WDHD1: variants seen among roughly 807,000 people sequenced by gnomAD.
WDHD1 encodes the protein WD repeat and HMG-box DNA-binding protein 1.
A neutral mutation model predicts 135.4 loss-of-function variants in WDHD1; 111 were observed. The observed-to-expected ratio is 0.82, with a 90% CI of 0.70 to 0.96. WDHD1 has a LOEUF of 0.96. Ranked by LOEUF, WDHD1 falls within the 40% of genes least tolerant of loss-of-function variation. The pLI is 0.00. For synonymous variants in WDHD1, 434 were observed against 439.0 expected (o/e 0.99, Z 0.14); for missense variants, 1,351 against 1,336.3 (o/e 1.01, Z -0.17).
At chr14:55,010,099 G>A (rs921984477) in intron 4 of WDHD1, among the ~76,000 whole-genome samples, 3 of 152,108 alleles carry the variant, frequency 2.0e-5, no homozygotes, top group Non-Finnish European at 2.9e-5. Context: ...GATTACAGGC[G>A]TGAGCCACCA....
intron 17 of WDHD1, 145 bp from the exon 18 acceptor site, chr14:54,966,751 T>A: frequency 1.0e-6 from 1 of 1,002,708 alleles, no homozygotes; most frequent in Non-Finnish European, 1.4e-6. Flanking sequence ...ATTTAAATTC[T>A]AGTGTGATAC....
At position 54,966,612 on chromosome 14, in the gene WDHD1, A is replaced by G. The variant is rs1429140004; in HGVS notation, c.2179-6T>C. On this transcript the variant is annotated splice_polypyrimidine_tract_variant and splice_region_variant and intron_variant, in intron 17 of 25. Coordinates refer to ENST00000360586, the MANE Select transcript of WDHD1 (RefSeq NM_007086.4). Reference sequence around the variant, plus strand: ...ACTGAACGCCAAAATTGCTCCTATAAAAGCAAATAAAATTGCTTAAGGCCA... The same window carrying G: ...ACTGAACGCCAAAATTGCTCCTATAGAAGCAAATAAAATTGCTTAAGGCCA... 5.0e-6 allele frequency: 8 copies of G among 1,597,696 alleles called. No individual in the cohort carries two copies. The highest frequency in any genetic ancestry group is 1.8e-5 in the Admixed American group (1 of 55,274).
At chr14:55,005,213 G>C in intron 7 of WDHD1, 1 of 540,232 alleles carries the variant, frequency 1.9e-6, no homozygotes, top group East Asian at 4.8e-5. Context: ...TGGGATGGTA[G>C]TGTCCACATA....
chr14:55,024,240 T>TA (rs1379791675), intron 2 of WDHD1, among the ~76,000 whole-genome samples: 3 of 152,232 alleles, frequency 2.0e-5, no homozygotes, highest in African/African-American at 7.2e-5. Flanking sequence ...CTGTCTACTT[T>TA]ATCCCTCTAG....
At chr14:54,991,753 A>T (rs533436699) in intron 11 of WDHD1, among the ~76,000 whole-genome samples, 1 of 152,300 alleles carries the variant, frequency 6.6e-6, no homozygotes, top group African/African-American at 2.4e-5. Flanking sequence ...GGTTGTCTTG[A>T]AAAAAAGCAC....
chr14:55,022,824 CT>C (rs869133747), intron 2 of WDHD1, among the ~76,000 whole-genome samples: 4,671 of 136,652 alleles, frequency 0.034, 197 homozygotes, highest in African/African-American at 0.11. Context: ...CTTTCTCTTT[CT>C]TTTTTTTTTT....
At chr14:55,016,918 G>A (rs1163474299) in intron 2 of WDHD1, among the ~76,000 whole-genome samples, 1 of 152,128 alleles carries the variant, frequency 6.6e-6, no homozygotes, top group African/African-American at 2.4e-5. Context: ...GTGCGTTCAG[G>A]GTGGTATGGC....
In WDHD1 at chr14:54,967,364, G is replaced by C; in HGVS notation, c.2094C>G (p.Pro698=). 2 of 1,611,848 alleles carry C rather than the reference G, an allele frequency of 1.2e-6. No individual in the cohort carries two copies. The highest frequency in any genetic ancestry group is 1.7e-6 in the Non-Finnish European group (2 of 1,178,738). Residue 698 remains proline, a synonymous_variant, in exon 17 of 26, where the codon CCC becomes CCG. Transcript: ENST00000360586. ...CAACAGCAGGGCGTGGAAGGGTTGG[G>C]GGAAACCGAGAACCTTTACAAGGAA... ...RCIPCKGSRF[P]PTLPRPAVAI... is the part of the protein sequence containing the mutation.
intron 16 of WDHD1, among the ~76,000 whole-genome samples, chr14:54,978,121 C>A (rs938638109): frequency 1.3e-5 from 2 of 152,236 alleles, no homozygotes; most frequent in Admixed American, 1.3e-4. Flanking sequence ...AATAATCTTA[C>A]TTGAATAAGC....
intron 10 of WDHD1, among the ~76,000 whole-genome samples, chr14:55,000,166 A>G (rs988561436): frequency 5.9e-5 from 9 of 152,174 alleles, no homozygotes; most frequent in Non-Finnish European, 1.3e-4. Flanking sequence ...TGTTTGACTA[A>G]GCAGAGGAGG....
At chr14:54,948,120 A>G (rs1016694888) in intron 24 of WDHD1, among the ~76,000 whole-genome samples, 2 of 152,042 alleles carry the variant, frequency 1.3e-5, no homozygotes, top group Non-Finnish European at 2.9e-5. Flanking sequence ...AGCTCCCAGC[A>G]TGAGCGATGC....
At chr14:54,961,517 G>T (rs2041251648) in intron 21 of WDHD1, among the ~76,000 whole-genome samples, 1 of 151,840 alleles carries the variant, frequency 6.6e-6, no homozygotes, top group South Asian at 2.1e-4. Context: ...CTTCTCTTCT[G>T]CTCCTGTTCC....
chr14:54,980,928 G>A (rs2041608947), intron 16 of WDHD1, among the ~76,000 whole-genome samples: 1 of 151,690 alleles, frequency 6.6e-6, no homozygotes, highest in Admixed American at 6.6e-5. Context: ...GGCTAACACG[G>A]TGAAACCCCC....
chr14:54,956,979 G>A lies in WDHD1; in HGVS notation c.2916+55C>T, dbSNP rs533560283. The A allele has an allele frequency of 9.6e-6, 15 of 1,566,942 alleles. No individual in the cohort carries two copies. In the African/African-American group the frequency reaches 1.8e-4, roughly 18 times the overall value. Reference sequence around the variant, plus strand: ...TATATCTGAAACAGTGAACAAAACTGAAGACAAACAGATCCCATGCTGCTT... The same window carrying A: ...TATATCTGAAACAGTGAACAAAACTAAAGACAAACAGATCCCATGCTGCTT... On this transcript the variant is annotated intron_variant, in intron 23 of 25. Coordinates refer to ENST00000360586, the MANE Select transcript of WDHD1 (RefSeq NM_007086.4).
At chr14:55,008,519 T>A in intron 5 of WDHD1, 89 bp downstream of exon 5, 1 of 1,457,876 alleles carries the variant, frequency 6.9e-7, no homozygotes, top group Admixed American at 2.2e-5. Flanking sequence ...AAAAGTTGAG[T>A]TAGCAGAAAA....
At chr14:55,015,699 ATTTTTT>A (rs35102727) in intron 2 of WDHD1, among the ~76,000 whole-genome samples, 1 of 143,256 alleles carries the variant, frequency 7.0e-6, no homozygotes, top group Non-Finnish European at 1.5e-5. Context: ...TTCCAATGGA[ATTTTTT>A]TTTTTTTTTT....
intron 25 of WDHD1, among the ~76,000 whole-genome samples, chr14:54,943,744 C>G (rs1317762795): frequency 1.3e-5 from 2 of 151,970 alleles, no homozygotes; most frequent in African/African-American, 4.8e-5. Flanking sequence ...GGGGTATTCT[C>G]CTAACTTAAA....
At chr14:55,000,130 G>A (rs982953722) in intron 10 of WDHD1, among the ~76,000 whole-genome samples, 1 of 152,176 alleles carries the variant, frequency 6.6e-6, no homozygotes, top group Non-Finnish European at 1.5e-5. Context: ...AAAACAAGGT[G>A]CCTGTTTAAA....
At chr14:55,003,122 T>G (rs1448774652) in intron 7 of WDHD1, among the ~76,000 whole-genome samples, 2 of 152,118 alleles carry the variant, frequency 1.3e-5, no homozygotes, top group African/African-American at 4.8e-5. Context: ...TTTAAAAAAT[T>G]TTTAAATTAG....
Sources: allele counts gnomAD v4.1 joint callset (sites outside exome capture counted in the v4.1 genomes callset), GRCh38; gene constraint gnomAD v4.1.1; transcripts MANE v1.5; gene names NCBI Gene and HGNC (gene_info 2026-07-23, HGNC 2026-07-21).